The following MAP4K1 variants were observed in gnomAD, a reference collection of about 807,000 sequenced individuals.
MAP4K1 encodes MAPK/ERK kinase kinase kinase 1.
In MAP4K1, 35 loss-of-function variants were observed where a neutral mutation model predicts 122.8. That is an observed-to-expected ratio of 0.29 (90% CI 0.22 to 0.38). MAP4K1 has a LOEUF of 0.38. Ranked by LOEUF, MAP4K1 falls within the 10% of genes least tolerant of loss-of-function variation. The pLI is 1.00. For missense variants in MAP4K1, 791 were observed against 1,072.6 expected, an observed-to-expected ratio of 0.74 and a Z score of 3.67; for synonymous variants, 412 against 421.3, an observed-to-expected ratio of 0.98 and a Z score of 0.27.
At chr19:38,604,528 T>C (rs911946427) in intron 19 of MAP4K1, among the ~76,000 whole-genome samples, 2 of 152,036 alleles carry the variant, frequency 1.3e-5, no homozygotes, top group Admixed American at 6.6e-5. Flanking sequence ...CGGTGGCTCA[T>C]GACTGTAATC....
intron 22 of MAP4K1, among the ~76,000 whole-genome samples, 175 bp downstream of exon 22, chr19:38,599,750 A>G (rs1341942618): frequency 6.6e-6 from 1 of 152,140 alleles, no homozygotes; most frequent in African/African-American, 2.4e-5. Flanking sequence ...CCATTTTACA[A>G]ATGGAGAAAT....
chr19:38,614,330 GGGGGCTGGAGT>G (rs1568642760), intron 5 of MAP4K1, 38 bp from the exon 6 acceptor site: 1 of 1,614,086 alleles, frequency 6.2e-7, no homozygotes. Flanking sequence ...GTGAGTGTTT[GGGGGCTGGAGT>G]GGGGCCACCC....
At chr19:38,591,526 C>CAAA (rs5828010) in intron 30 of MAP4K1, among the ~76,000 whole-genome samples, 4 of 66,678 alleles carry the variant, frequency 6.0e-5, no homozygotes, top group African/African-American at 1.3e-4. Flanking sequence ...GACTCCATCT[C>CAAA]AAAAAAAAAA....
intron 30 of MAP4K1, chr19:38,589,296 C>A: frequency 3.7e-6 from 1 of 268,658 alleles, no homozygotes; most frequent in South Asian, 3.1e-5. Context: ...GAGTGAGACT[C>A]TGACTCAAAA....
intron 20 of MAP4K1, among the ~76,000 whole-genome samples, chr19:38,600,963 G>A (rs1021002325): frequency 1.8e-4 from 28 of 151,826 alleles, no homozygotes; most frequent in Admixed American, 3.9e-4. Flanking sequence ...GTGCTACCAC[G>A]CCTGGCTAAT....
Position 38,612,714 on chromosome 19 carries a change from G to A in MAP4K1, c.562C>T (p.Leu188=). Residue 188 remains leucine, a synonymous_variant, in exon 9 of 31, where the codon CTG becomes TTG. Transcript: ENST00000396857. ...CACAGCTCATTGTATCCTCCCTTCA[G>A]GGCCACAGCTGCCACTTCCGGAGCC... The part of the protein sequence containing the change: ...WMAPEVAAVA[L]KGGYNELCDI... 6.2e-7 allele frequency: 1 copy of A among 1,613,640 alleles called. No individual in the cohort carries two copies. The highest frequency in any genetic ancestry group is 8.5e-7 in the Non-Finnish European group (1 of 1,179,820).
At chr19:38,590,648 T>C (rs2145929066) in intron 30 of MAP4K1, among the ~76,000 whole-genome samples, 1 of 151,364 alleles carries the variant, frequency 6.6e-6, no homozygotes, top group South Asian at 2.1e-4. Context: ...CTAATTTTTG[T>C]ATTTTTACTA....
In MAP4K1 at chr19:38,608,143, C is replaced by T. The variant is rs556360025; in HGVS notation, c.1034G>A (p.Arg345Gln). 11 of 1,527,490 alleles carry T rather than the reference C, an allele frequency of 7.2e-6. No individual in the cohort carries two copies. The highest frequency in any genetic ancestry group is 2.6e-5 in the South Asian group (2 of 75,948). 94.6% of individuals were successfully genotyped at this position (1,527,490 alleles called of 1,614,324 possible). ...GGCTGGGGGTCTGGTCTCCATTCCTCGGAGCTTCCTGAACTCCATGTGCCG... is the reference window on the plus strand; with the variant it reads ...GGCTGGGGGTCTGGTCTCCATTCCTTGGAGCTTCCTGAACTCCATGTGCCG... Reference protein sequence around the residue: ...CRRHMEFRKLRGMETRPPANT... With the variant: ...CRRHMEFRKLQGMETRPPANT... Residue 345 changes from arginine (R) to glutamine (Q), a missense_variant, in exon 14 of 31, where the codon CGA (arginine) becomes CAA (glutamine). Arg to Gln is a conservative substitution (Grantham distance 43). Transcript: ENST00000396857.
Position 38,603,149 on chromosome 19 carries a change from CAT to C in MAP4K1, c.1447-1626_1447-1625del, listed in dbSNP as rs1491395524. On this transcript the variant is annotated intron_variant, in intron 19 of 30. Transcript: ENST00000396857. ...ATATACGCATATACATATATACACA[CAT>C]ATACATGTATACATATATACACATG... 1.5e-4 allele frequency among the ~76,000 whole-genome samples: 22 copies of C among 144,264 alleles called. 1 individual carries two copies. Among genetic ancestry groups the C allele is most frequent in the East Asian group, 2.2e-4 (1 of 4,640 alleles). The allele number at this position is 144,264 out of a possible 152,430, so 94.6% of individuals were successfully genotyped here. A position where few individuals can be genotyped will look rare whatever the true frequency, so the allele number is the denominator to read the frequency against.
intron 19 of MAP4K1, among the ~76,000 whole-genome samples, chr19:38,604,128 CAAAAAAAAAAAAAA>C (rs200072842): frequency 5.6e-5 from 3 of 53,520 alleles, no homozygotes; most frequent in East Asian, 6.9e-4. Context: ...GATACTATCT[CAAAAAAAAAAAAAA>C]AAAAAAAAAA....
chr19:38,615,043 A>C (rs1325718660), intron 4 of MAP4K1, among the ~76,000 whole-genome samples: 1 of 152,100 alleles, frequency 6.6e-6, no homozygotes, highest in African/African-American at 2.4e-5. Flanking sequence ...AACATAAAGC[A>C]AGAAAGGTGC....
At chr19:38,609,524 T>C (rs1975430575) in intron 13 of MAP4K1, 72 bp downstream of exon 13, 2 of 1,345,140 alleles carry the variant, frequency 1.5e-6, no homozygotes, top group African/African-American at 1.4e-5. Context: ...GGAGGCCTGA[T>C]GGTAGGGGAA....
chr19:38,589,308 A>G, intron 30 of MAP4K1: 1 of 272,358 alleles, frequency 3.7e-6, no homozygotes, highest in Non-Finnish European at 7.4e-6. Context: ...GACTCAAAAC[A>G]ACAACAAAAG....
chr19:38,595,659 G>A lies in MAP4K1; in HGVS notation c.2250C>T (p.Thr750=). Residue 750 remains threonine (T), a synonymous_variant, in exon 28 of 31, where the codon ACC becomes ACT. Transcript: ENST00000396857. Reference sequence around the variant, plus strand: ...ACAGACCCACGGCCTCCACCGCTTCGGTCATGGGGATCTCAGGTGTGCGAA... The same window carrying A: ...ACAGACCCACGGCCTCCACCGCTTCAGTCATGGGGATCTCAGGTGTGCGAA... ...RGLRTPEIPM[T]EAVEAVAMVG... 2 of 1,613,532 alleles carry A rather than the reference G, an allele frequency of 1.2e-6. No individual in the cohort carries two copies. Among genetic ancestry groups the A allele is most frequent in the Non-Finnish European group, 1.7e-6 (2 of 1,179,664 alleles).
At chr19:38,608,763 G>A (rs568192456) in intron 13 of MAP4K1, among the ~76,000 whole-genome samples, 1 of 126,006 alleles carries the variant, frequency 7.9e-6, no homozygotes, top group South Asian at 2.6e-4. Flanking sequence ...TCGCACCATC[G>A]CACTCCAGCC....
At chr19:38,615,598 A>G (rs1341010448) in intron 4 of MAP4K1, among the ~76,000 whole-genome samples, 1 of 152,114 alleles carries the variant, frequency 6.6e-6, no homozygotes, top group East Asian at 1.9e-4. Context: ...AGACAGAGAG[A>G]GGCCGTCAGA....
At chr19:38,608,090 G>A in intron 14 of MAP4K1, 22 bp downstream of exon 14, 1 of 1,554,430 alleles carries the variant, frequency 6.4e-7, no homozygotes, top group Non-Finnish European at 8.7e-7. Context: ...GTGTGGTGGG[G>A]AGTGGGGGGA....
In MAP4K1 at chr19:38,608,207, G is replaced by A. The variant is rs574503231; in HGVS notation, c.1007-37C>T. 5.4e-6 allele frequency: 6 copies of A among 1,113,312 alleles called. No homozygotes were observed. In the Admixed American group the frequency reaches 1.2e-4, roughly 22 times the overall value. 69.0% of individuals were successfully genotyped at this position (1,113,312 alleles called of 1,614,324 possible). A position where few individuals can be genotyped will look rare whatever the true frequency, so the allele number is the denominator to read the frequency against. ...GGGGGAAGATAACCTGCTGTGAGCT[G>A]GGGGCAAGGGGTAACGAGATGGGTT... On this transcript the variant is annotated intron_variant, in intron 13 of 30. Transcript: ENST00000396857.
chr19:38,602,377 C>CAT lies in MAP4K1; in HGVS notation c.1447-854_1447-853dup, dbSNP rs530502291. ...GGCATGAGCCACTGTGCCTGGCCAGCATATATATATATACACATATACATA... is the reference window on the plus strand; with the variant it reads ...GGCATGAGCCACTGTGCCTGGCCAGCATATATATATATATACACATATACATA... On this transcript the variant is annotated intron_variant, in intron 19 of 30. Transcript: ENST00000396857. Among the ~76,000 whole-genome samples, 999 of 149,956 alleles carry CAT rather than the reference C, an allele frequency of 6.7e-3. 12 individuals are homozygous for CAT. Among genetic ancestry groups the CAT allele is most frequent in the South Asian group, 0.033 (159 of 4,788 alleles).
Sources: allele counts gnomAD v4.1 joint callset (sites outside exome capture counted in the v4.1 genomes callset), GRCh38; gene constraint gnomAD v4.1.1; transcripts MANE v1.5; gene names NCBI Gene and HGNC (gene_info 2026-07-23, HGNC 2026-07-21).